Variants in SLC6A5 observed in about 807,000 individuals in gnomAD.
SLC6A5 encodes the protein solute carrier family 6 member 5.
SLC6A5 carries 58 observed loss-of-function variants against 90.5 expected under a neutral mutation model. That is an observed-to-expected ratio of 0.64 (90% confidence interval 0.52 to 0.80). SLC6A5 has a LOEUF of 0.80. SLC6A5 is among the 30% of genes least tolerant of loss of function. SLC6A5 has a pLI of 0.00. For missense variants in SLC6A5, 1,015 were observed against 1,017.6 expected, an observed-to-expected ratio of 1.00 and a Z score of 0.03; for synonymous variants, 427 against 401.4, an observed-to-expected ratio of 1.06 and a Z score of -0.76.
chr11:20,627,472 C>T (rs1272162208), intron 8 of SLC6A5, among the ~76,000 whole-genome samples: 1 of 152,150 alleles, frequency 6.6e-6, no homozygotes, highest in Non-Finnish European at 1.5e-5. Flanking sequence ...TTGCACAAAA[C>T]AGAAAGTCTC....
chr11:20,610,241 A>G (rs16906539), intron 5 of SLC6A5, among the ~76,000 whole-genome samples: 8,166 of 152,312 alleles, frequency 0.054, 764 homozygotes, highest in African/African-American at 0.18. Context: ...GAGATGGCCC[A>G]TCATTCCCTC....
Position 20,604,234 on chromosome 11 carries a change from G to T in SLC6A5, c.541-52G>T, listed in dbSNP as rs561275486. 8.3e-6 allele frequency: 13 copies of T among 1,567,570 alleles called. No homozygotes were observed. The East Asian group carries it at 2.0e-4, about 25-fold the overall frequency. ...GCGGGGGGGAGGGTGGAAGGGGCCTGCTTGTGGACCTACTCGGGGCTGTTA... is the reference window on the plus strand; with the variant it reads ...GCGGGGGGGAGGGTGGAAGGGGCCTTCTTGTGGACCTACTCGGGGCTGTTA... On this transcript the variant is annotated intron_variant, in intron 2 of 15. Coordinates refer to ENST00000525748, the MANE Select transcript of SLC6A5 (RefSeq NM_004211.5).
chr11:20,649,685 G>T (rs1853486119), intron 14 of SLC6A5, among the ~76,000 whole-genome samples: 1 of 152,132 alleles, frequency 6.6e-6, no homozygotes. Context: ...TGCCTTCATG[G>T]ATTTATAGAG....
In SLC6A5 at chr11:20,638,645, G is replaced by C. The variant is rs572009854; in HGVS notation, c.1969+87G>C. The C allele has an allele frequency of 4.2e-4, 343 of 823,472 alleles. 3 individuals are homozygous for C. In the South Asian group the frequency reaches 4.4e-3, roughly 11 times the overall value. The allele number at this position is 823,472 out of a possible 1,614,324, so 51.0% of individuals were successfully genotyped here. The stretch of plus-strand genomic sequence containing the variant: ...CAAGCAGATTTCCCATACTTAATAA[G>C]ACAATACAGGGCTTAAATTGCAACT... On this transcript the variant is annotated intron_variant, in intron 13 of 15. Transcript: ENST00000525748.
At position 20,652,578 on chromosome 11, in the gene SLC6A5, A is replaced by G. The variant is rs1799606714; in HGVS notation, c.2238+122A>G. On this transcript the variant is annotated intron_variant, in intron 15 of 15. Transcript: ENST00000525748. ...AAGAGGGAGACTTGGTGATGAAGCG[A>G]TTACAGTTGCCACCGTTTCTGTTAA... 31 of 999,950 alleles carry G rather than the reference A, an allele frequency of 3.1e-5. No homozygotes were observed. The South Asian group carries it at 4.0e-4, about 13-fold the overall frequency. 61.9% of individuals were successfully genotyped at this position (999,950 alleles called of 1,614,324 possible).
At chr11:20,626,549 G>T (rs1002687287) in intron 7 of SLC6A5, among the ~76,000 whole-genome samples, 159 bp from the exon 8 acceptor site, 1 of 152,138 alleles carries the variant, frequency 6.6e-6, no homozygotes, top group Non-Finnish European at 1.5e-5. Flanking sequence ...TGGTCCCAGT[G>T]CCTTCCCTGC....
At chr11:20,628,433 T>C (rs1249390770) in intron 9 of SLC6A5, among the ~76,000 whole-genome samples, 6 of 152,190 alleles carry the variant, frequency 3.9e-5, no homozygotes. Flanking sequence ...TGGTCTTCCC[T>C]CTGTGTGGGG....
At chr11:20,636,966 T>G (rs1853219826) in intron 11 of SLC6A5, among the ~76,000 whole-genome samples, 1 of 152,154 alleles carries the variant, frequency 6.6e-6, no homozygotes, top group African/African-American at 2.4e-5. Flanking sequence ...AAGTGCAATT[T>G]TTAAAGCTCA....
chr11:20,611,695 C>T (rs996118045), intron 5 of SLC6A5, among the ~76,000 whole-genome samples: 5 of 150,688 alleles, frequency 3.3e-5, no homozygotes, highest in African/African-American at 1.2e-4. Flanking sequence ...TTGCTTCCTG[C>T]GAGTAAATGA....
At chr11:20,608,922 G>GTCTCTCTCTCTCTC (rs138477311) in intron 5 of SLC6A5, among the ~76,000 whole-genome samples, 3 of 131,664 alleles carry the variant, frequency 2.3e-5, no homozygotes, top group African/African-American at 8.4e-5. Context: ...CTGTCTGTCT[G>GTCTCTCTCTCTCTC]TCTCTCTCTC....
At chr11:20,619,110 A>T (rs1375093456) in intron 7 of SLC6A5, among the ~76,000 whole-genome samples, 1 of 152,214 alleles carries the variant, frequency 6.6e-6, no homozygotes, top group Non-Finnish European at 1.5e-5. Context: ...TGAGGATGTA[A>T]TGGGGGATTC....
intron 2 of SLC6A5, among the ~76,000 whole-genome samples, chr11:20,602,762 A>T (rs1852504270): frequency 2.6e-5 from 4 of 152,220 alleles, no homozygotes; most frequent in Admixed American, 2.6e-4. Flanking sequence ...GTGGTGTCAG[A>T]ACTAGAAATA....
At chr11:20,609,215 G>T (rs1201352379) in intron 5 of SLC6A5, among the ~76,000 whole-genome samples, 1 of 151,944 alleles carries the variant, frequency 6.6e-6, no homozygotes, top group Non-Finnish European at 1.5e-5. Context: ...CACGCTGATT[G>T]TTTCCTGCGA....
chr11:20,605,579 C>A (rs1852563108), intron 3 of SLC6A5, among the ~76,000 whole-genome samples: 1 of 152,216 alleles, frequency 6.6e-6, no homozygotes, highest in South Asian at 2.1e-4. Context: ...GGCCAGGATG[C>A]TACAACAGGG....
intron 14 of SLC6A5, among the ~76,000 whole-genome samples, chr11:20,649,102 C>G (rs1853476656): frequency 6.6e-6 from 1 of 152,188 alleles, no homozygotes; most frequent in African/African-American, 2.4e-5. Flanking sequence ...TAAAATAGTT[C>G]TAATCATTTT....
At chr11:20,610,233 G>A (rs1320126507) in intron 5 of SLC6A5, among the ~76,000 whole-genome samples, 3 of 152,230 alleles carry the variant, frequency 2.0e-5, no homozygotes, top group African/African-American at 7.2e-5. Flanking sequence ...TCTCTGATGA[G>A]ATGGCCCATC....
intron 10 of SLC6A5, among the ~76,000 whole-genome samples, chr11:20,634,118 C>T (rs185210678): frequency 6.6e-6 from 1 of 152,188 alleles, no homozygotes; most frequent in Non-Finnish European, 1.5e-5. Flanking sequence ...GATCTGCCCA[C>T]CTTGGCCTCC....
intron 6 of SLC6A5, among the ~76,000 whole-genome samples, chr11:20,615,373 C>CT: frequency 6.6e-6 from 1 of 151,754 alleles, no homozygotes; most frequent in Non-Finnish European, 1.5e-5. Context: ...TCTTTCTTTC[C>CT]TTTTTTTTCT....
chr11:20,642,580 A>G (rs1053401512), intron 13 of SLC6A5, among the ~76,000 whole-genome samples: 7 of 152,178 alleles, frequency 4.6e-5, no homozygotes, highest in African/African-American at 1.7e-4. Context: ...GAGGTCATAC[A>G]GCAGGCAAGT....
Sources: allele counts gnomAD v4.1 joint callset (sites outside exome capture counted in the v4.1 genomes callset), GRCh38; gene constraint gnomAD v4.1.1; transcripts MANE v1.5; gene names NCBI Gene and HGNC (gene_info 2026-07-23, HGNC 2026-07-21).